TMTC2: variants seen among roughly 807,000 people sequenced by gnomAD.
The protein encoded by TMTC2 is protein O-mannosyl-transferase TMTC2.
In TMTC2, 43 loss-of-function variants were observed where a neutral mutation model predicts 82.4. The ratio of observed to expected loss-of-function variants is 0.52; its 90% CI spans 0.41 to 0.67. TMTC2 has a LOEUF of 0.67. Among genes scored for constraint, TMTC2 ranks in the 30% least tolerant of loss-of-function variants. TMTC2 has a pLI of 0.00. For synonymous variants in TMTC2, 408 were observed against 381.9 expected, an observed-to-expected ratio of 1.07 and a Z score of -0.80; for missense variants, 919 against 1,012.4, an observed-to-expected ratio of 0.91 and a Z score of 1.25.
chr12:82,753,506 A>G (rs79618207), intron 1 of TMTC2, among the ~76,000 whole-genome samples: 10,524 of 152,210 alleles, frequency 0.069, 405 homozygotes, highest in Middle Eastern at 0.16. Context: ...ATATTGACCA[A>G]TGTTTTATGT....
At chr12:83,067,111 A>G (rs1486258503) in intron 11 of TMTC2, among the ~76,000 whole-genome samples, 1 of 151,988 alleles carries the variant, frequency 6.6e-6, no homozygotes, top group Non-Finnish European at 1.5e-5. Context: ...CAGCCAAGAC[A>G]GTGACAGGGC....
At chr12:82,886,162 G>A (rs533480024) in intron 2 of TMTC2, among the ~76,000 whole-genome samples, 1 of 152,106 alleles carries the variant, frequency 6.6e-6, no homozygotes, top group South Asian at 2.1e-4. Flanking sequence ...TTCACACTTG[G>A]ACATATCTGT....
chr12:82,953,604 T>C (rs886949938), intron 4 of TMTC2, among the ~76,000 whole-genome samples: 8 of 152,166 alleles, frequency 5.3e-5, no homozygotes, highest in Non-Finnish European at 8.8e-5. Context: ...TAAGCATAAT[T>C]CTTGGGAAAA....
rs189397428 is a variant in TMTC2, at chr12:83,070,918, G to A, written c.2331+9087G>A. 4.1e-4 allele frequency among the ~76,000 whole-genome samples: 63 copies of A among 152,180 alleles called. 1 individual carries two copies. The East Asian group carries it at 0.011, about 27-fold the overall frequency. ...TCATGAAGTGATGCTGGATTTTGTCGAATGCTTTTTCTGCATCTATTGAGA... is the reference window on the plus strand; with the variant it reads ...TCATGAAGTGATGCTGGATTTTGTCAAATGCTTTTTCTGCATCTATTGAGA... On this transcript the variant is annotated intron_variant, in intron 11 of 11. Transcript: ENST00000321196.
At chr12:82,916,194 T>A in intron 3 of TMTC2, among the ~76,000 whole-genome samples, 1 of 152,232 alleles carries the variant, frequency 6.6e-6, no homozygotes, top group East Asian at 1.9e-4. Context: ...TTCTAGTATA[T>A]ATATTCCCCA....
chr12:82,911,072 G>A (rs1874621788), intron 3 of TMTC2, among the ~76,000 whole-genome samples: 1 of 152,060 alleles, frequency 6.6e-6, no homozygotes, highest in Non-Finnish European at 1.5e-5. Context: ...AGTAGAGACA[G>A]AGTTTCACCG....
At chr12:82,920,290 A>G (rs1219787857) in intron 3 of TMTC2, among the ~76,000 whole-genome samples, 1 of 152,216 alleles carries the variant, frequency 6.6e-6, no homozygotes, top group East Asian at 1.9e-4. Context: ...ACTTCAGAGT[A>G]AGTTTGAATT....
chr12:83,017,374 C>T (rs1880723007), intron 8 of TMTC2, among the ~76,000 whole-genome samples: 1 of 152,182 alleles, frequency 6.6e-6, no homozygotes, highest in Non-Finnish European at 1.5e-5. Flanking sequence ...ATAGACAGAG[C>T]AGTTTCAGGC....
intron 3 of TMTC2, among the ~76,000 whole-genome samples, chr12:82,902,022 C>A (rs1874046359): frequency 6.6e-6 from 1 of 152,192 alleles, no homozygotes; most frequent in South Asian, 2.1e-4. Flanking sequence ...CCAGTTAAGA[C>A]AGAAAGGCTA....
At chr12:82,741,562 G>A (rs1490456976) in intron 1 of TMTC2, among the ~76,000 whole-genome samples, 1 of 152,202 alleles carries the variant, frequency 6.6e-6, no homozygotes, top group African/African-American at 2.4e-5. Flanking sequence ...GCCCACCTTA[G>A]CCTCCCAAAG....
At chr12:82,725,017 T>C (rs1874382710) in intron 1 of TMTC2, among the ~76,000 whole-genome samples, 1 of 152,206 alleles carries the variant, frequency 6.6e-6, no homozygotes, top group East Asian at 1.9e-4. Context: ...GAGCTTGTCC[T>C]ATTAATTATC....
Position 83,004,722 on chromosome 12 carries a change from A to ATTTTTTTTTTTTTTT in TMTC2, c.2070+18707_2070+18721dup, listed in dbSNP as rs528076999. 3.9e-4 allele frequency among the ~76,000 whole-genome samples: 14 copies of ATTTTTTTTTTTTTTT among 36,034 alleles called. 3 individuals carry two copies. Among genetic ancestry groups the ATTTTTTTTTTTTTTT allele is most frequent in the East Asian group, 1.3e-3 (1 of 744 alleles). 23.6% of individuals were successfully genotyped at this position (36,034 alleles called of 152,430 possible). A position where few individuals can be genotyped will look rare whatever the true frequency, so the allele number is the denominator to read the frequency against. ...TTCACAGGCAGTGTATACTGGCCGA[A>ATTTTTTTTTTTTTTT]TTTTTTTTTTTTTTTTTTTTTTTTT... is the stretch of plus-strand genomic sequence containing the variant. On this transcript the variant is annotated intron_variant, in intron 8 of 11. Transcript: ENST00000321196.
At chr12:82,734,827 G>A (rs538709144) in intron 1 of TMTC2, among the ~76,000 whole-genome samples, 1 of 152,238 alleles carries the variant, frequency 6.6e-6, no homozygotes, top group Non-Finnish European at 1.5e-5. Flanking sequence ...TTGTGTTGGG[G>A]CCAAGTCACT....
chr12:83,048,918 C>T (rs550405628), intron 9 of TMTC2, among the ~76,000 whole-genome samples: 4 of 152,180 alleles, frequency 2.6e-5, no homozygotes, highest in South Asian at 4.1e-4. Flanking sequence ...ATCCACCTGC[C>T]TTGGCCTCCC....
chr12:83,044,025 CA>C (rs900114460), intron 9 of TMTC2, among the ~76,000 whole-genome samples: 4 of 152,124 alleles, frequency 2.6e-5, no homozygotes, highest in African/African-American at 9.7e-5. Context: ...CCATGTTGCT[CA>C]AATCCAGAAA....
rs543494329 is a variant in TMTC2 at position 83,024,981 on chromosome 12, C to T, written c.2071-5817C>T. ...CCACGGCAGCTGGATCACTTGAGGC[C>T]AGCAGTTCGAGACTAGCCTGGCCAA... On this transcript the variant is annotated intron_variant, in intron 8 of 11. Transcript: ENST00000321196. Among the ~76,000 whole-genome samples the T allele has an allele frequency of 2.0e-5, 3 of 152,280 alleles. No homozygotes were observed. In the South Asian group the frequency reaches 6.2e-4, roughly 32 times the overall value.
chr12:82,872,065 T>TA (rs10713848), intron 2 of TMTC2, among the ~76,000 whole-genome samples: 2 of 126,836 alleles, frequency 1.6e-5, no homozygotes, highest in Admixed American at 1.1e-4. Context: ...AGTTTCAAAG[T>TA]AAAAAAATAG....
chr12:82,964,500 G>C (rs747457435), intron 4 of TMTC2, among the ~76,000 whole-genome samples: 2 of 152,024 alleles, frequency 1.3e-5, no homozygotes, highest in Non-Finnish European at 2.9e-5. Context: ...AGTCTTTTTT[G>C]TTGTTGTTCT....
At chr12:82,819,597 G>T (rs1283019834) in intron 1 of TMTC2, among the ~76,000 whole-genome samples, 1 of 150,478 alleles carries the variant, frequency 6.6e-6, no homozygotes, top group Non-Finnish European at 1.5e-5. Context: ...CACCTCCCAG[G>T]TCCAAGCGAT....
Sources: gnomAD v4.1 joint callset for allele counts (sites outside exome capture counted in the v4.1 genomes callset) on GRCh38, gnomAD v4.1.1 for gene constraint, MANE v1.5 for transcripts, NCBI Gene and HGNC (gene_info 2026-07-23, HGNC 2026-07-21) for gene names.